Variants in PIK3CD observed in about 807,000 individuals in gnomAD.
PIK3CD encodes phosphatidylinositol-4,5-bisphosphate 3-kinase catalytic subunit delta.
In PIK3CD, 20 loss-of-function variants were observed where a neutral mutation model predicts 122.9. The observed-to-expected ratio is 0.16, with a 90% CI of 0.11 to 0.24. The LOEUF is 0.24. PIK3CD is among the 10% of genes least tolerant of loss of function. The probability of loss-of-function intolerance (pLI) is 1.00; values close to 1 mark genes in which losing one functional copy is unlikely to be tolerated. For missense variants in PIK3CD, 787 were observed against 1,406.3 expected, an observed-to-expected ratio of 0.56 and a Z score of 7.04; for synonymous variants, 596 against 593.4, an observed-to-expected ratio of 1.00 and a Z score of -0.06.
At chr1:9,663,433 G>A (rs185204268) in intron 1 of PIK3CD, among the ~76,000 whole-genome samples, 7 of 152,154 alleles carry the variant, frequency 4.6e-5, no homozygotes, top group South Asian at 4.2e-4. Flanking sequence ...CTCATTTCAC[G>A]GACCCAGATG....
At position 9,716,758 on chromosome 1, in the gene PIK3CD, G is replaced by T. The variant is rs1243136364; in HGVS notation, c.780+139G>T. 12 of 1,179,892 alleles carry T rather than the reference G, an allele frequency of 1.0e-5. No homozygotes were observed. In the Admixed American group the frequency reaches 2.3e-4, roughly 23 times the overall value. 73.1% of individuals were successfully genotyped at this position (1,179,892 alleles called of 1,614,324 possible). On this transcript the variant is annotated intron_variant, in intron 6 of 23. Transcript: ENST00000377346. ...TGGGTCACCGCCAGAGCATCCCCTG[G>T]TAGGGCTGGCCCTCTCTGAGAGCAC...
At chr1:9,667,797 A>G (rs1570115521) in intron 1 of PIK3CD, among the ~76,000 whole-genome samples, 1 of 140,484 alleles carries the variant, frequency 7.1e-6, no homozygotes, top group East Asian at 2.1e-4. Flanking sequence ...AGTGCACTGG[A>G]GCAATCACAG....
At chr1:9,677,419 G>A (rs1403656260) in intron 1 of PIK3CD, among the ~76,000 whole-genome samples, 21 of 152,110 alleles carry the variant, frequency 1.4e-4, no homozygotes, top group Admixed American at 1.1e-3. Context: ...GCGGAGGCAG[G>A]CAGATCACTT....
intron 1 of PIK3CD, among the ~76,000 whole-genome samples, chr1:9,675,156 C>T (rs1011362588): frequency 2.6e-5 from 4 of 151,504 alleles, no homozygotes; most frequent in African/African-American, 4.9e-5. Flanking sequence ...GAGGCCGAGG[C>T]GGGCGGATCA....
At position 9,675,247 on chromosome 1, in the gene PIK3CD, G is replaced by A. The variant is rs374411235; in HGVS notation, c.-137-16220G>A. Among the ~76,000 whole-genome samples, 33 of 150,276 alleles carry A rather than the reference G, an allele frequency of 2.2e-4. 1 individual carries two copies. The highest frequency in any genetic ancestry group is 3.5e-3 in the Middle Eastern group (1 of 284). On this transcript the variant is annotated intron_variant, in intron 1 of 23. Coordinates refer to ENST00000377346, the MANE Select transcript of PIK3CD (RefSeq NM_005026.5). ...AAAAATACAAAAAAATTAGCCGGGC[G>A]TGGTAGCGGGCGCCTGTAGTCCCAG...
chr1:9,632,477 G>A, the PIK3CD span, among the ~76,000 whole-genome samples: 4 of 152,158 alleles, frequency 2.6e-5, no homozygotes, highest in South Asian at 2.1e-4. Context: ...GCCATGTGCC[G>A]TCATGCCCAG....
chr1:9,645,527 C>T, the PIK3CD span, among the ~76,000 whole-genome samples: 3 of 150,046 alleles, frequency 2.0e-5, no homozygotes, highest in Non-Finnish European at 3.0e-5. Flanking sequence ...GGCATGATCT[C>T]GGCTCACTGA....
the PIK3CD span, among the ~76,000 whole-genome samples, chr1:9,629,608 G>A: frequency 2.0e-5 from 3 of 152,118 alleles, no homozygotes; most frequent in African/African-American, 4.8e-5. Flanking sequence ...TTCTCTGAGC[G>A]CACTTGCCTG....
In PIK3CD at chr1:9,721,124, C is replaced by T. The variant is rs754973687; in HGVS notation, c.1690-3C>T. The T allele has an allele frequency of 5.6e-6, 9 of 1,610,692 alleles. No homozygotes were observed. Among genetic ancestry groups the T allele is most frequent in the Middle Eastern group, 3.3e-4 (2 of 6,060 alleles). ...CCCCAAGCCTGACCTCGGCTCCCCC[C>T]AGATGCTCTACCTGCTGTGCTCCTG... On this transcript the variant is annotated splice_region_variant and splice_polypyrimidine_tract_variant and intron_variant, in intron 13 of 23. Coordinates refer to ENST00000377346, the MANE Select transcript of PIK3CD (RefSeq NM_005026.5).
intron 1 of PIK3CD, among the ~76,000 whole-genome samples, chr1:9,691,106 A>G (rs1361056731): frequency 6.6e-6 from 1 of 152,234 alleles, no homozygotes; most frequent in Admixed American, 6.5e-5. Context: ...TGCTTTTTGC[A>G]TCCATCGAAT....
At position 9,717,057 on chromosome 1, in the gene PIK3CD, C is replaced by T; in HGVS notation, c.879C>T (p.Ala293=). 6.2e-7 allele frequency: 1 copy of T among 1,613,996 alleles called. No individual in the cohort carries two copies. The highest frequency in any genetic ancestry group is 1.3e-5 in the African/African-American group (1 of 75,050). ...LAMRDEQSNP[A]PQVQKPRAKP... ...TGCGGGATGAGCAGAGCAACCCTGCCCCCCAGGTCCAGAAACCGCGTGCCA... is the reference window on the plus strand; with the variant it reads ...TGCGGGATGAGCAGAGCAACCCTGCTCCCCAGGTCCAGAAACCGCGTGCCA... The change falls in exon 7 of 24, where the codon GCC becomes GCT. Residue 293 remains alanine (A), a synonymous_variant. Transcript: ENST00000377346. This position sits in a 1 kb window ranked among gnomAD's most constrained non-coding sequence, Gnocchi z 5.4.
intron 1 of PIK3CD, among the ~76,000 whole-genome samples, chr1:9,666,916 A>G (rs1645178055): frequency 6.7e-6 from 1 of 148,982 alleles, no homozygotes; most frequent in Admixed American, 6.8e-5. Context: ...CCCTGGCTGG[A>G]GTGCAGTGGC....
rs149686050 is a variant in PIK3CD, at chr1:9,698,424, G to C, written c.-33+6853G>C. On this transcript the variant is annotated intron_variant, in intron 2 of 23. Transcript: ENST00000377346. The stretch of plus-strand genomic sequence containing the variant: ...CCCAAAGTGCTGGGATTACAGGCGT[G>C]AGCCACCATGGCTGGCCTTTCTATG... 8.0e-3 allele frequency among the ~76,000 whole-genome samples: 1,221 copies of C among 152,350 alleles called. 13 individuals are homozygous for C. The highest frequency in any genetic ancestry group is 0.027 in the African/African-American group (1,135 of 41,598).
At chr1:9,713,465 A>G (rs1647135460) in intron 3 of PIK3CD, among the ~76,000 whole-genome samples, 1 of 152,190 alleles carries the variant, frequency 6.6e-6, no homozygotes, top group African/African-American at 2.4e-5. Flanking sequence ...TACTTTGGCT[A>G]TTGCCTGTTT....
chr1:9,664,348 C>G (rs1288808940), intron 1 of PIK3CD, among the ~76,000 whole-genome samples: 2 of 152,102 alleles, frequency 1.3e-5, no homozygotes, highest in Non-Finnish European at 2.9e-5. Flanking sequence ...TGCACCCAGC[C>G]TACCCTCATT....
the PIK3CD span, among the ~76,000 whole-genome samples, chr1:9,628,899 C>G: frequency 9.9e-5 from 15 of 152,008 alleles, no homozygotes; most frequent in South Asian, 2.1e-4. Flanking sequence ...CCAGGACCCT[C>G]GGAAGGAAAA....
chr1:9,723,200 C>A lies in PIK3CD; in HGVS notation c.2502C>A (p.Ile834=), dbSNP rs573418132. The A allele has an allele frequency of 2.5e-6, 4 of 1,613,880 alleles. No individual in the cohort carries two copies. The highest frequency in any genetic ancestry group is 3.4e-6 in the Non-Finnish European group (4 of 1,180,002). Residue 834 remains isoleucine (I), a synonymous_variant, in exon 20 of 24, where the codon ATC becomes ATA. Coordinates refer to ENST00000377346, the MANE Select transcript of PIK3CD (RefSeq NM_005026.5). The surrounding 1 kb of genome is among the most constrained non-coding windows in gnomAD (Gnocchi z 4.9). ...LIEVVLRSDT[I]ANIQLNKSNM... is the part of the protein sequence containing the mutation. ...AGGTGGTACTCCGTTCAGACACCATCGCCAACATCCAACTCAACAAGAGCA... is the reference window on the plus strand; with the variant it reads ...AGGTGGTACTCCGTTCAGACACCATAGCCAACATCCAACTCAACAAGAGCA...
chr1:9,654,448 G>A (rs1422757072), intron 1 of PIK3CD: 2 of 1,357,568 alleles, frequency 1.5e-6, no homozygotes, highest in Non-Finnish European at 2.0e-6. Flanking sequence ...AGCCCCTGGG[G>A]GGCTTACAGG....
chr1:9,642,212 A>C, the PIK3CD span, among the ~76,000 whole-genome samples: 1 of 151,904 alleles, frequency 6.6e-6, no homozygotes, highest in African/African-American at 2.4e-5. Flanking sequence ...TCCCGGGTTC[A>C]AGCAATGCTG....
Sources: allele counts gnomAD v4.1 joint callset (sites outside exome capture counted in the v4.1 genomes callset), GRCh38; gene constraint gnomAD v4.1.1; non-coding constraint Gnocchi (gnomAD v3.1); transcripts MANE v1.5; gene names NCBI Gene and HGNC (gene_info 2026-07-23, HGNC 2026-07-21).